Variants in HSP90AA1 observed in about 807,000 individuals in gnomAD.
The protein encoded by HSP90AA1 is heat shock protein HSP 90-alpha.
Under a neutral mutation model 73.3 loss-of-function variants are expected in HSP90AA1, and 18 were observed. That is an observed-to-expected ratio of 0.25 (90% CI 0.17 to 0.36). The LOEUF is 0.36. Ranked by LOEUF, HSP90AA1 falls within the 10% of genes least tolerant of loss-of-function variation. The probability of loss-of-function intolerance (pLI) is 1.00; values close to 1 mark genes in which losing one functional copy is unlikely to be tolerated. For synonymous variants in HSP90AA1, 477 were observed against 296.9 expected, an observed-to-expected ratio of 1.61 and a Z score of -6.24; for missense variants, 704 against 874.2, an observed-to-expected ratio of 0.81 and a Z score of 2.45.
chr14:102,111,048 CA>C (rs1472893096), intron 1 of HSP90AA1, among the ~76,000 whole-genome samples: 4 of 152,148 alleles, frequency 2.6e-5, no homozygotes, highest in Non-Finnish European at 5.9e-5. Flanking sequence ...GGAAGCAGAG[CA>C]TAAAAGTTTG....
rs529314684 is a variant in HSP90AA1, at chr14:102,105,905, A to G, written c.156-3820T>C. ...GCCAACATGGTGAAACCCTGTCTCT[A>G]CTAAAAATACAAAAATCAGCCGGGT... On this transcript the variant is annotated intron_variant, in intron 1 of 11. Transcript: ENST00000334701. Among the ~76,000 whole-genome samples the G allele has an allele frequency of 2.2e-3, 333 of 152,232 alleles. 2 individuals carry two copies. The highest frequency in any genetic ancestry group is 7.1e-3 in the African/African-American group (296 of 41,540).
chr14:102,138,726 A>T (rs548157087), intron 1 of HSP90AA1, among the ~76,000 whole-genome samples: 1 of 152,308 alleles, frequency 6.6e-6, no homozygotes, highest in Admixed American at 6.5e-5. Context: ...GGTGTTACAA[A>T]TGTTGGCTTC....
intron 1 of HSP90AA1, among the ~76,000 whole-genome samples, chr14:102,106,409 T>A (rs2049567904): frequency 6.6e-6 from 1 of 152,142 alleles, no homozygotes; most frequent in Non-Finnish European, 1.5e-5. Flanking sequence ...TTCTGTCAGC[T>A]AATATCAAGT....
chr14:102,082,092 T>C lies in HSP90AA1; in HGVS notation c.2089+19A>G, dbSNP rs1566717413. 1 of 1,504,864 alleles carries C rather than the reference T, an allele frequency of 6.6e-7. No individual in the cohort carries two copies. Among genetic ancestry groups the C allele is most frequent in the Non-Finnish European group, 9.2e-7 (1 of 1,081,206 alleles). 93.2% of individuals were successfully genotyped at this position (1,504,864 alleles called of 1,614,324 possible). A position where few individuals can be genotyped will look rare whatever the true frequency, so the allele number is the denominator to read the frequency against. ...CGTGTGTTTATTTTCTTTTTAACATTACATAGTATAAGGCTTACCCAGACC... is the reference window on the plus strand; with the variant it reads ...CGTGTGTTTATTTTCTTTTTAACATCACATAGTATAAGGCTTACCCAGACC... On this transcript the variant is annotated intron_variant, in intron 10 of 10. Coordinates refer to ENST00000216281, the MANE Select transcript of HSP90AA1 (RefSeq NM_005348.4).
exon 1 of HSP90AA1, chr14:102,139,495 C>G: frequency 3.7e-6 from 5 of 1,359,860 alleles, no homozygotes; most frequent in Non-Finnish European, 4.9e-6. Flanking sequence ...GTCCCGGCGC[C>G]CCTCAGGGCA....
At chr14:102,087,683 C>T (rs904764614), upstream of HSP90AA1, among the ~76,000 whole-genome samples, 4 of 152,130 alleles carry the variant, frequency 2.6e-5, no homozygotes, top group African/African-American at 4.8e-5. Flanking sequence ...GGCTGTCCCG[C>T]GGCCTGCGCG....
intron 1 of HSP90AA1, among the ~76,000 whole-genome samples, chr14:102,121,759 G>A (rs1272126701): frequency 1.3e-5 from 2 of 152,178 alleles, no homozygotes; most frequent in Non-Finnish European, 2.9e-5. Context: ...AGGAAACTCA[G>A]AAGTCATCAA....
In HSP90AA1 at chr14:102,081,819, T is replaced by C. The variant is rs1446062782; in HGVS notation, c.2092A>G (p.Ile698Val). Reference sequence around the variant, plus strand: ...TCAGCAGTAGGGTCATCTTCATCAATACCTGTTTCCAAAATAAAATCCTCA... The same window carrying C: ...TCAGCAGTAGGGTCATCTTCATCAACACCTGTTTCCAAAATAAAATCCTCA... ...IYRMIKLGLG[I>V]DEDDPTADDT... Residue 698 changes from isoleucine (I) to valine (V), a missense_variant and splice_region_variant, in exon 11 of 11, where the codon ATT (isoleucine) becomes GTT (valine). Coordinates refer to ENST00000216281, the MANE Select transcript of HSP90AA1 (RefSeq NM_005348.4). 1 of 1,401,456 alleles carries C rather than the reference T, an allele frequency of 7.1e-7. No homozygotes were observed. Among genetic ancestry groups the C allele is most frequent in the Non-Finnish European group, 1.0e-6 (1 of 986,650 alleles). The allele number at this position is 1,401,456 out of a possible 1,614,324, so 86.8% of individuals were successfully genotyped here.
At chr14:102,081,908 G>T in intron 10 of HSP90AA1, 87 bp from the exon 11 acceptor site, 1 of 816,510 alleles carries the variant, frequency 1.2e-6, no homozygotes, top group Non-Finnish European at 2.2e-6. Flanking sequence ...CTGCTTTCAA[G>T]ACAGTATTAC....
chr14:102,132,092 G>C (rs1468528320), intron 1 of HSP90AA1, among the ~76,000 whole-genome samples: 4 of 152,118 alleles, frequency 2.6e-5, no homozygotes, highest in Non-Finnish European at 5.9e-5. Flanking sequence ...AAAATGGCCG[G>C]GTATGGCGGC....
At chr14:102,133,684 TGTCA>T (rs1490372275) in intron 1 of HSP90AA1, among the ~76,000 whole-genome samples, 1 of 151,950 alleles carries the variant, frequency 6.6e-6, no homozygotes, top group South Asian at 2.1e-4. Flanking sequence ...GGTTTCTCCA[TGTCA>T]GTCAGGCTGG....
At chr14:102,087,485 G>A (rs1253049557), upstream of HSP90AA1, among the ~76,000 whole-genome samples, 1 of 151,942 alleles carries the variant, frequency 6.6e-6, no homozygotes, top group Non-Finnish European at 1.5e-5. Flanking sequence ...GGGGTGGGAG[G>A]CGCGCCTGGA....
chr14:102,083,116 T>G lies in HSP90AA1; in HGVS notation c.1673A>C (p.Lys558Thr). 1.2e-6 allele frequency: 2 copies of G among 1,613,942 alleles called. No individual in the cohort carries two copies. Among genetic ancestry groups the G allele is most frequent in the Non-Finnish European group, 1.7e-6 (2 of 1,179,810 alleles). Residue 558 changes from lysine to threonine, a missense_variant, in exon 9 of 11, where the codon AAA becomes ACA. Coordinates refer to ENST00000216281, the MANE Select transcript of HSP90AA1 (RefSeq NM_005348.4). ...GLELPEDEEE[K>T]KKQEEKKTKF... Reference sequence around the variant, plus strand: ...TGTTTTTTTCTCTTCCTGCTTCTTTTTCTCTTCTTCATCCTCTGGAAGTTC... The same window carrying G: ...TGTTTTTTTCTCTTCCTGCTTCTTTGTCTCTTCTTCATCCTCTGGAAGTTC...
At chr14:102,098,193 G>C (rs1595667221) in intron 2 of HSP90AA1, among the ~76,000 whole-genome samples, 1 of 151,554 alleles carries the variant, frequency 6.6e-6, no homozygotes, top group South Asian at 2.1e-4. Flanking sequence ...ACAGAGTCTC[G>C]CTCTGTCTCC....
chr14:102,127,264 A>G (rs1226065433), intron 1 of HSP90AA1, among the ~76,000 whole-genome samples: 10 of 152,266 alleles, frequency 6.6e-5, no homozygotes, highest in African/African-American at 4.8e-5. Flanking sequence ...AAAACCCACA[A>G]TGCTCATTAA....
chr14:102,138,353 C>T (rs953269194), intron 1 of HSP90AA1, among the ~76,000 whole-genome samples: 1 of 151,968 alleles, frequency 6.6e-6, no homozygotes, highest in Admixed American at 6.6e-5. Context: ...TAAAATAACA[C>T]AGTTATGGAG....
chr14:102,125,988 A>ATG (rs1455488874), intron 1 of HSP90AA1, among the ~76,000 whole-genome samples: 3 of 152,176 alleles, frequency 2.0e-5, no homozygotes, highest in African/African-American at 7.2e-5. Context: ...TGTGTGTATG[A>ATG]TGTATATATT....
At position 102,080,837 on chromosome 14, in the gene HSP90AA1, C is replaced by T. The variant is rs372342215; in HGVS notation, c.*875G>A. 2.5e-4 allele frequency: 56 copies of T among 227,440 alleles called. No homozygotes were observed. The highest frequency in any genetic ancestry group is 8.6e-4 in the African/African-American group (39 of 45,136). 14.1% of individuals were successfully genotyped at this position (227,440 alleles called of 1,614,324 possible). On this transcript the variant is annotated 3_prime_UTR_variant, in exon 11 of 11. Transcript: ENST00000216281. ...TAAGAGAACACATGTAACTCATGGA[C>T]GCAGGGGATGCATGTTGTCTGCATT...
At chr14:102,083,331 C>CT (rs376513594) in intron 8 of HSP90AA1, 29 bp from the exon 9 acceptor site, 17,340 of 1,612,410 alleles carry the variant, frequency 0.011, 134 homozygotes, top group Non-Finnish European at 0.012. Flanking sequence ...ACTTTTAGAC[C>CT]TTTTAACAGT....
Sources: gnomAD v4.1 joint callset for allele counts (sites outside exome capture counted in the v4.1 genomes callset) on GRCh38, gnomAD v4.1.1 for gene constraint, MANE v1.5 for transcripts, NCBI Gene and HGNC (gene_info 2026-07-23, HGNC 2026-07-21) for gene names.